The following TNNI3K variants were observed in gnomAD, a reference collection of about 807,000 sequenced individuals.
TNNI3K encodes serine/threonine-protein kinase TNNI3K.
A neutral mutation model predicts 114.5 loss-of-function variants in TNNI3K; 140 were observed. The observed-to-expected ratio is 1.22, with a 90% CI of 1.07 to 1.41. The LOEUF (loss-of-function observed/expected upper bound fraction) is 1.41, where lower values mean the gene tolerates loss of function less well. Ranked by LOEUF, TNNI3K falls within the 40% of genes most tolerant of loss-of-function variation. The pLI is 0.00. For synonymous variants in TNNI3K, 347 were observed against 347.5 expected, an observed-to-expected ratio of 1.00 and a Z score of 0.02; for missense variants, 1,125 against 1,007.6, an observed-to-expected ratio of 1.12 and a Z score of -1.58.
intron 21 of TNNI3K, chr1:74,483,251 A>G (rs1013059215): frequency 2.8e-6 from 2 of 716,904 alleles, no homozygotes; most frequent in East Asian, 5.4e-5. Context: ...TAGAGTTATT[A>G]GTTTTATTAC....
intron 5 of TNNI3K, among the ~76,000 whole-genome samples, chr1:74,303,091 C>T (rs1249578975): frequency 6.6e-6 from 1 of 152,168 alleles, no homozygotes; most frequent in Non-Finnish European, 1.5e-5. Context: ...TCTTAAGTCA[C>T]TTAAGAACTG....
chr1:74,311,617 T>C (rs45589836), intron 5 of TNNI3K, among the ~76,000 whole-genome samples: 1 of 152,304 alleles, frequency 6.6e-6, no homozygotes, highest in Non-Finnish European at 1.5e-5. Flanking sequence ...TCAAGAACAG[T>C]AAATTGTTTT....
intron 11 of TNNI3K, among the ~76,000 whole-genome samples, chr1:74,363,526 G>C (rs1290683174): frequency 6.6e-6 from 1 of 152,036 alleles, no homozygotes. Context: ...AGCCAAGAGA[G>C]CTGTTGAAAT....
At chr1:74,535,799 TA>T (rs1646654083) in intron 23 of TNNI3K, among the ~76,000 whole-genome samples, 1 of 152,184 alleles carries the variant, frequency 6.6e-6, no homozygotes, top group Non-Finnish European at 1.5e-5. Flanking sequence ...CAGTTGTCGA[TA>T]TTCAGTCAGT....
In TNNI3K at chr1:74,420,200, G is replaced by T. The variant is rs371749166; in HGVS notation, c.1773-15880G>T. ...AGTAAAAGCCAAAAATTAACTAGAAGAAGTTCTCCTATATTTGGAGGAGTA... is the reference window on the plus strand; with the variant it reads ...AGTAAAAGCCAAAAATTAACTAGAATAAGTTCTCCTATATTTGGAGGAGTA... On this transcript the variant is annotated intron_variant, in intron 17 of 24. Coordinates refer to ENST00000326637, the MANE Select transcript of TNNI3K (RefSeq NM_015978.3). Among the ~76,000 whole-genome samples, 9 of 152,154 alleles carry T rather than the reference G, an allele frequency of 5.9e-5. No homozygotes were observed. In the South Asian group the frequency reaches 8.3e-4, roughly 14 times the overall value.
chr1:74,236,401 C>T (rs1043216997), intron 2 of TNNI3K, among the ~76,000 whole-genome samples, 191 bp downstream of exon 2: 6 of 151,556 alleles, frequency 4.0e-5, no homozygotes, highest in African/African-American at 1.5e-4. Flanking sequence ...AACATCTCAC[C>T]TCCTTAAAAT....
intron 16 of TNNI3K, 138 bp downstream of exon 16, chr1:74,369,723 C>A: frequency 1.0e-6 from 1 of 978,602 alleles, no homozygotes; most frequent in Non-Finnish European, 1.4e-6. Flanking sequence ...TTTTTAATAT[C>A]GCTAATAATT....
At chr1:74,269,507 G>A (rs1162847210) in intron 4 of TNNI3K, among the ~76,000 whole-genome samples, 2 of 151,736 alleles carry the variant, frequency 1.3e-5, no homozygotes, top group Admixed American at 6.6e-5. Context: ...AGTATTAGTT[G>A]AGGAGACTAG....
At chr1:74,496,283 G>A (rs1234773174) in intron 23 of TNNI3K, among the ~76,000 whole-genome samples, 1 of 152,104 alleles carries the variant, frequency 6.6e-6, no homozygotes, top group Non-Finnish European at 1.5e-5. Context: ...GTGACCAAAG[G>A]GGACCATTTT....
chr1:74,347,109 C>A (rs1661045698), intron 9 of TNNI3K, among the ~76,000 whole-genome samples: 1 of 151,384 alleles, frequency 6.6e-6, no homozygotes, highest in South Asian at 2.1e-4. Flanking sequence ...ATTAACTCCT[C>A]ATTTATCATT....
chr1:74,262,001 C>T (rs1443795166), intron 4 of TNNI3K, among the ~76,000 whole-genome samples: 1 of 152,040 alleles, frequency 6.6e-6, no homozygotes, highest in African/African-American at 2.4e-5. Flanking sequence ...AAAACTCTGA[C>T]TTTTCTATCA....
chr1:74,342,853 G>T lies in TNNI3K; in HGVS notation c.694G>T (p.Asp232Tyr). The T allele has an allele frequency of 6.2e-7, 1 of 1,613,568 alleles. No individual in the cohort carries two copies. Among genetic ancestry groups the T allele is most frequent in the Non-Finnish European group, 8.5e-7 (1 of 1,179,830 alleles). ...EGSKADVNAQDNEDHVPLHFC... is the reference protein window; with the variant it reads ...EGSKADVNAQYNEDHVPLHFC... ...CTTGCTGATAACAGTGAATGCTCAAGATAATGAAGACCATGTCCCACTCCA... is the reference window on the plus strand; with the variant it reads ...CTTGCTGATAACAGTGAATGCTCAATATAATGAAGACCATGTCCCACTCCA... Residue 232 changes from aspartate to tyrosine, a missense_variant, in exon 8 of 25, where the codon GAT becomes TAT. Transcript: ENST00000326637.
chr1:74,504,653 T>C (rs1271398205), intron 23 of TNNI3K, among the ~76,000 whole-genome samples: 3 of 152,090 alleles, frequency 2.0e-5, no homozygotes, highest in African/African-American at 7.2e-5. Flanking sequence ...AAAATTTAAG[T>C]ACCTGGATTT....
chr1:74,500,116 A>G (rs1280285725), intron 23 of TNNI3K, among the ~76,000 whole-genome samples: 1 of 151,874 alleles, frequency 6.6e-6, no homozygotes, highest in Non-Finnish European at 1.5e-5. Context: ...AAGATCTTAG[A>G]CCATTTTAAT....
At chr1:74,531,836 A>G (rs920924531) in intron 23 of TNNI3K, among the ~76,000 whole-genome samples, 1 of 152,226 alleles carries the variant, frequency 6.6e-6, no homozygotes, top group Non-Finnish European at 1.5e-5. Context: ...TCCTTGTGCT[A>G]ATATTATCAC....
chr1:74,431,859 G>C (rs899552067), intron 17 of TNNI3K, among the ~76,000 whole-genome samples: 1 of 152,122 alleles, frequency 6.6e-6, no homozygotes, highest in Non-Finnish European at 1.5e-5. Context: ...ACAGCATGGA[G>C]TATAGAAATC....
intron 21 of TNNI3K, among the ~76,000 whole-genome samples, chr1:74,486,814 A>T (rs989102493): frequency 6.6e-6 from 1 of 152,102 alleles, no homozygotes; most frequent in African/African-American, 2.4e-5. Flanking sequence ...AAAAAAATAA[A>T]ATAAGAAAAT....
intron 23 of TNNI3K, among the ~76,000 whole-genome samples, chr1:74,509,130 C>G (rs903788555): frequency 2.1e-4 from 32 of 152,262 alleles, no homozygotes; most frequent in African/African-American, 7.5e-4. Context: ...TAGAGCACTC[C>G]TTTTTCCTCA....
chr1:74,414,269 A>G (rs1191286551), intron 17 of TNNI3K, among the ~76,000 whole-genome samples: 1 of 152,224 alleles, frequency 6.6e-6, no homozygotes, highest in African/African-American at 2.4e-5. Context: ...TTATACCTTG[A>G]CATTGTGATG....
Sources: gnomAD v4.1 joint callset for allele counts (sites outside exome capture counted in the v4.1 genomes callset) on GRCh38, gnomAD v4.1.1 for gene constraint, MANE v1.5 for transcripts, NCBI Gene and HGNC (gene_info 2026-07-23, HGNC 2026-07-21) for gene names.